CELSR1: variants seen among roughly 807,000 people sequenced by gnomAD.
CELSR1 encodes cadherin EGF LAG seven-pass G-type receptor 1, also known as adhesion G protein-coupled receptor C1.
Under a neutral mutation model 249.1 loss-of-function variants are expected in CELSR1, and 110 were observed. The observed-to-expected ratio is 0.44, with a 90% CI of 0.38 to 0.52. The LOEUF is 0.52. Among genes scored for constraint, CELSR1 ranks in the 20% least tolerant of loss-of-function variants. The pLI is 0.00. For synonymous variants in CELSR1, 2,113 were observed against 1,900.0 expected (o/e 1.11, Z -2.92); for missense variants, 4,109 against 4,296.4 (o/e 0.96, Z 1.22).
At chr22:46,524,342 C>T (rs1054067287) in intron 1 of CELSR1, among the ~76,000 whole-genome samples, 1 of 152,236 alleles carries the variant, frequency 6.6e-6, no homozygotes, top group Non-Finnish European at 1.5e-5. Flanking sequence ...CTACATGATT[C>T]CCCTCTTACA....
rs1448702221 is a variant in CELSR1, at chr22:46,423,208, G to T, written c.4611+10185C>A. Among the ~76,000 whole-genome samples, 1 of 152,258 alleles carries T rather than the reference G, an allele frequency of 6.6e-6. No individual in the cohort carries two copies. Among genetic ancestry groups the T allele is most frequent in the African/African-American group, 2.4e-5 (1 of 41,468 alleles). On this transcript the variant is annotated intron_variant, in intron 5 of 34. Coordinates refer to ENST00000674500, the MANE Select transcript of CELSR1 (RefSeq NM_001378328.1). This position sits in a 1 kb window ranked among gnomAD's most constrained non-coding sequence, Gnocchi z 5.6. ...GAGGCCCCAGCTGCCATGGCTAACG[G>T]CCAGGTCATATGAGTGAGGCCTTCA...
Position 46,445,471 on chromosome 22 carries a change from G to A in CELSR1, c.4184-6060C>T, listed in dbSNP as rs1457486443. 6.6e-6 allele frequency among the ~76,000 whole-genome samples: 1 copy of A among 152,110 alleles called. No homozygotes were observed. Among genetic ancestry groups the A allele is most frequent in the East Asian group, 1.9e-4 (1 of 5,190 alleles). On this transcript the variant is annotated intron_variant, in intron 2 of 34. Coordinates refer to ENST00000674500, the MANE Select transcript of CELSR1 (RefSeq NM_001378328.1). This position sits in a 1 kb window ranked among gnomAD's most constrained non-coding sequence, Gnocchi z 4.4. Reference sequence around the variant, plus strand: ...AATTGCACCATTGCACTCCAGCCTGGGTGACAGAGCAAGACTGTCTCTAAA... The same window carrying A: ...AATTGCACCATTGCACTCCAGCCTGAGTGACAGAGCAAGACTGTCTCTAAA...
rs183715161 is a variant in CELSR1 at position 46,361,747 on chromosome 22, T to G, written c.*1476A>C. 3 of 152,390 alleles carry G rather than the reference T, an allele frequency of 2.0e-5. No individual in the cohort carries two copies. Among genetic ancestry groups the G allele is most frequent in the East Asian group, 1.9e-4 (1 of 5,190 alleles). The allele number at this position is 152,390 out of a possible 1,614,324, so 9.4% of individuals were successfully genotyped here. Reference sequence around the variant, plus strand: ...CAGTGTGGACATCTTTGCATTTTACTTGATTTTCATCCTATTTTATGGTTT... The same window carrying G: ...CAGTGTGGACATCTTTGCATTTTACGTGATTTTCATCCTATTTTATGGTTT... On this transcript the variant is annotated 3_prime_UTR_variant, in exon 35 of 35. Transcript: ENST00000674500.
rs758249267 is a variant in CELSR1, at chr22:46,500,303, G to A, written c.3544+33324C>T. On this transcript the variant is annotated intron_variant, in intron 1 of 34. Coordinates refer to ENST00000674500, the MANE Select transcript of CELSR1 (RefSeq NM_001378328.1). The surrounding 1 kb of genome is among the most constrained non-coding windows in gnomAD (Gnocchi z 4.9). ...CCTGGCGCCCGGTTTTCAGCACCGCGCTAGGTTTTAACTGCCTGCTGGAGA... is the reference window on the plus strand; with the variant it reads ...CCTGGCGCCCGGTTTTCAGCACCGCACTAGGTTTTAACTGCCTGCTGGAGA... 1.3e-5 allele frequency among the ~76,000 whole-genome samples: 2 copies of A among 152,194 alleles called. No homozygotes were observed. Among genetic ancestry groups the A allele is most frequent in the Non-Finnish European group, 2.9e-5 (2 of 68,028 alleles).
In CELSR1 at chr22:46,378,398, G is replaced by T. The variant is rs558475924; in HGVS notation, c.7383+193C>A. On this transcript the variant is annotated intron_variant, in intron 23 of 34. Transcript: ENST00000674500. ...CAGACTCTGGCCAATCCTCGAATAT[G>T]TGTTTTAATCGGTTGATTTGTTTTG... is the stretch of plus-strand genomic sequence containing the variant. Among the ~76,000 whole-genome samples the T allele has an allele frequency of 1.6e-4, 25 of 152,316 alleles. 1 individual carries two copies. In the South Asian group the frequency reaches 5.2e-3, roughly 32 times the overall value.
chr22:46,520,260 G>A (rs2080672046), intron 1 of CELSR1, among the ~76,000 whole-genome samples: 1 of 152,110 alleles, frequency 6.6e-6, no homozygotes, highest in Non-Finnish European at 1.5e-5. Context: ...TCAGAAGGAG[G>A]CCCTGGATGG....
rs1221640555 is a variant in CELSR1 at position 46,457,611 on chromosome 22, C to T, written c.4183+6096G>A. On this transcript the variant is annotated intron_variant, in intron 2 of 34. Transcript: ENST00000674500. ...CCCCATGGGAAGACGAAGACGCTAC[C>T]GTGATGACAAATCACCCGCTCACAG... 2.6e-5 allele frequency among the ~76,000 whole-genome samples: 4 copies of T among 152,202 alleles called. No homozygotes were observed. In the South Asian group the frequency reaches 6.2e-4, roughly 24 times the overall value.
rs4823822 is a variant in CELSR1, at chr22:46,468,279, G to A, written c.3545-3934C>T. Among the ~76,000 whole-genome samples the A allele has an allele frequency of 0.46, 69,534 of 151,448 alleles. 16,095 individuals carry two copies. Among genetic ancestry groups the A allele is most frequent in the South Asian group, 0.53 (2,547 of 4,792 alleles). ...TGCATGCCTGTAATCTTAGCTACTC[G>A]GGAGGCTGAGGCAGGAGAATCGCTT... On this transcript the variant is annotated intron_variant, in intron 1 of 34. Transcript: ENST00000674500. This position sits in a 1 kb window ranked among gnomAD's most constrained non-coding sequence, Gnocchi z 4.5.
At chr22:46,498,028 C>T (rs1205827605) in intron 1 of CELSR1, among the ~76,000 whole-genome samples, 4 of 151,486 alleles carry the variant, frequency 2.6e-5, no homozygotes, top group Admixed American at 6.6e-5. Context: ...GTGGGTGGAT[C>T]GCCTGAGGTC....
chr22:46,371,771 C>G (rs1396319950), intron 25 of CELSR1, among the ~76,000 whole-genome samples: 1 of 151,028 alleles, frequency 6.6e-6, no homozygotes, highest in African/African-American at 2.4e-5. Flanking sequence ...ACCTATTCAT[C>G]CACTCACATA....
rs745905978 is a variant in CELSR1 at position 46,536,458 on chromosome 22, C to T, written c.713G>A (p.Ser238Asn). The change falls in exon 1 of 35, where the codon AGC (serine) becomes AAC (asparagine). Residue 238 changes from serine to asparagine, a missense_variant. Coordinates refer to ENST00000674500, the MANE Select transcript of CELSR1 (RefSeq NM_001378328.1). The stretch of plus-strand genomic sequence containing the variant: ...CGGAAACTTCAGGCTCCCTCTGCCG[C>T]TCGTGCCCCGCCGGGCCCGTCGCGC... ...GPARRARRGT[S>N]GRGSLKFPMP... The T allele has an allele frequency of 2.5e-6, 4 of 1,609,780 alleles. No homozygotes were observed. In the South Asian group the frequency reaches 3.3e-5, roughly 13 times the overall value.
chr22:46,481,516 TG>T, intron 1 of CELSR1: 1 of 1,453,120 alleles, frequency 6.9e-7, no homozygotes, highest in Non-Finnish European at 9.5e-7. Flanking sequence ...CAGGTGGTCC[TG>T]GAACTTCTCC....
chr22:46,536,205 C>G lies in CELSR1; in HGVS notation c.966G>C (p.Arg322Ser). The change falls in exon 1 of 35, where the codon AGG becomes AGC. Residue 322 changes from arginine to serine, a missense_variant. By Grantham distance (110) the Arg-to-Ser change is moderately radical. Transcript: ENST00000674500. ...DRETKETHVL[R>S]VKAVDYSTPP... The stretch of plus-strand genomic sequence containing the variant: ...GCGTACTGTAGTCCACGGCTTTCAC[C>G]CTGAGGACGTGCGTCTCCTTGGTCT... The G allele has an allele frequency of 3.7e-6, 6 of 1,612,822 alleles. No homozygotes were observed. Among genetic ancestry groups the G allele is most frequent in the Non-Finnish European group, 4.2e-6 (5 of 1,179,992 alleles).
In CELSR1 at chr22:46,381,914, C is replaced by G; in HGVS notation, c.7020G>C (p.Leu2340=). The G allele has an allele frequency of 6.4e-7, 1 of 1,574,230 alleles. No individual in the cohort carries two copies. Among genetic ancestry groups the G allele is most frequent in the Non-Finnish European group, 8.6e-7 (1 of 1,161,814 alleles). ...GCCCCAGGGTGCGGTAAATGATGAC[C>G]AGAGCGACGGCGAACTGGCCAGCGT... ...PDDAGQFAVA[L]VIIYRTLGQL... Residue 2340 remains leucine (L), a synonymous_variant, in exon 21 of 35, where the codon CTG becomes CTC. Transcript: ENST00000674500. The surrounding 1 kb of genome is among the most constrained non-coding windows in gnomAD (Gnocchi z 6.0).
chr22:46,436,319 G>T lies in CELSR1; in HGVS notation c.4407-30C>A. On this transcript the variant is annotated intron_variant, in intron 3 of 34. Coordinates refer to ENST00000674500, the MANE Select transcript of CELSR1 (RefSeq NM_001378328.1). The surrounding 1 kb of genome is among the most constrained non-coding windows in gnomAD (Gnocchi z 5.9). Reference sequence around the variant, plus strand: ...GGGGCCAAGCAGAGGCACATCACAGGATGAAGACCCCAGGGTCCAAAGGCT... The same window carrying T: ...GGGGCCAAGCAGAGGCACATCACAGTATGAAGACCCCAGGGTCCAAAGGCT... 1 of 1,570,374 alleles carries T rather than the reference G, an allele frequency of 6.4e-7. No individual in the cohort carries two copies. The highest frequency in any genetic ancestry group is 8.8e-7 in the Non-Finnish European group (1 of 1,141,130).
intron 5 of CELSR1, among the ~76,000 whole-genome samples, chr22:46,419,532 C>T (rs1178127806): frequency 1.3e-5 from 2 of 152,106 alleles, no homozygotes; most frequent in Non-Finnish European, 2.9e-5. Flanking sequence ...ACACGGGCAC[C>T]GGGACAGAGT....
At chr22:46,524,288 C>T (rs969449844) in intron 1 of CELSR1, among the ~76,000 whole-genome samples, 3 of 152,334 alleles carry the variant, frequency 2.0e-5, no homozygotes, top group Non-Finnish European at 2.9e-5. Context: ...CAGGCGGTCC[C>T]GCGCCCACTT....
Position 46,464,352 on chromosome 22 carries a change from A to G in CELSR1, c.3545-7T>C. ...GTGACGCTGTGGATGCCATCTGCAGACACAAGGAAAGTCAGGGTCATTCAG... is the reference window on the plus strand; with the variant it reads ...GTGACGCTGTGGATGCCATCTGCAGGCACAAGGAAAGTCAGGGTCATTCAG... On this transcript the variant is annotated splice_polypyrimidine_tract_variant and splice_region_variant and intron_variant, in intron 1 of 34. Transcript: ENST00000674500. This position sits in a 1 kb window ranked among gnomAD's most constrained non-coding sequence, Gnocchi z 8.5. 1 of 1,605,860 alleles carries G rather than the reference A, an allele frequency of 6.2e-7. No individual in the cohort carries two copies. The highest frequency in any genetic ancestry group is 8.5e-7 in the Non-Finnish European group (1 of 1,175,712).
At chr22:46,449,156 C>T (rs1484534513) in intron 2 of CELSR1, among the ~76,000 whole-genome samples, 1 of 151,562 alleles carries the variant, frequency 6.6e-6, no homozygotes, top group Non-Finnish European at 1.5e-5. Context: ...ACCCAGCTTC[C>T]AAGCACTCAC....
Sources: allele counts gnomAD v4.1 joint callset (sites outside exome capture counted in the v4.1 genomes callset), GRCh38; gene constraint gnomAD v4.1.1; non-coding constraint Gnocchi (gnomAD v3.1); transcripts MANE v1.5; gene names NCBI Gene and HGNC (gene_info 2026-07-23, HGNC 2026-07-21).